The following ANKFN1 variants were observed in gnomAD, a reference collection of about 807,000 sequenced individuals.
The protein encoded by ANKFN1 is ankyrin repeat and fibronectin type III domain containing 1, also known as ankyrin repeat and fibronectin type-III domain-containing protein 1.
ANKFN1 carries 74 observed loss-of-function variants against 108.7 expected under a neutral mutation model. That is an observed-to-expected ratio of 0.68 (90% CI 0.56 to 0.83). The LOEUF (loss-of-function observed/expected upper bound fraction) is 0.83. ANKFN1 is among the 40% of genes least tolerant of loss of function. The pLI is 0.00. For missense variants in ANKFN1, 1,505 were observed against 1,382.3 expected (o/e 1.09, Z -1.41); for synonymous variants, 547 against 516.2 (o/e 1.06, Z -0.81).
At chr17:56,279,634 A>G (rs2044019994) in intron 3 of ANKFN1, among the ~76,000 whole-genome samples, 1 of 152,150 alleles carries the variant, frequency 6.6e-6, no homozygotes, top group African/African-American at 2.4e-5. Context: ...GGATATTCAT[A>G]TACAGAACTT....
intron 4 of ANKFN1, among the ~76,000 whole-genome samples, chr17:56,139,175 GA>G (rs1907772817): frequency 6.6e-6 from 1 of 151,810 alleles, no homozygotes; most frequent in Non-Finnish European, 1.5e-5. Flanking sequence ...CAAAATTCTA[GA>G]AAAGATGATT....
rs1449903885 is a variant in ANKFN1 at position 56,511,942 on chromosome 17, G to A, written c.*673G>A. On this transcript the variant is annotated 3_prime_UTR_variant, in exon 21 of 21. Transcript: ENST00000682825. ...GGAGACCACCAGAAACAAAAGTGGAGAATTCTCTTTCAGCTCTACCTTGCA... is the reference window on the plus strand; with the variant it reads ...GGAGACCACCAGAAACAAAAGTGGAAAATTCTCTTTCAGCTCTACCTTGCA... Among the ~76,000 whole-genome samples, 2 of 152,154 alleles carry A rather than the reference G, an allele frequency of 1.3e-5. No individual in the cohort carries two copies. The highest frequency in any genetic ancestry group is 2.9e-5 in the Non-Finnish European group (2 of 68,034).
At chr17:56,077,101 T>C (rs1905190379) in intron 4 of ANKFN1, among the ~76,000 whole-genome samples, 1 of 152,202 alleles carries the variant, frequency 6.6e-6, no homozygotes, top group African/African-American at 2.4e-5. Context: ...ATGTTATCAA[T>C]GGCTTTGTTG....
intron 3 of ANKFN1, among the ~76,000 whole-genome samples, chr17:56,303,395 T>G (rs1004026348): frequency 6.6e-6 from 1 of 152,200 alleles, no homozygotes; most frequent in Non-Finnish European, 1.5e-5. Context: ...TCTAGGCCAC[T>G]GGAGTAAATA....
At chr17:56,169,346 A>C (rs1910440859) in intron 1 of ANKFN1, among the ~76,000 whole-genome samples, 1 of 152,068 alleles carries the variant, frequency 6.6e-6, no homozygotes. Flanking sequence ...ATCATAGCTC[A>C]CTATAACCCT....
chr17:56,243,862 T>C (rs1239550611), intron 3 of ANKFN1, among the ~76,000 whole-genome samples: 1 of 152,176 alleles, frequency 6.6e-6, no homozygotes, highest in Non-Finnish European at 1.5e-5. Flanking sequence ...GTTAGGTTTT[T>C]AATTAAAATT....
chr17:56,086,320 G>A (rs571540000), intron 4 of ANKFN1, among the ~76,000 whole-genome samples: 32 of 151,172 alleles, frequency 2.1e-4, no homozygotes, highest in East Asian at 7.7e-4. Flanking sequence ...CAGGAGAATC[G>A]CTTAAACCCA....
intron 3 of ANKFN1, among the ~76,000 whole-genome samples, chr17:56,278,050 A>G (rs1358129390): frequency 6.6e-6 from 1 of 152,222 alleles, no homozygotes; most frequent in Admixed American, 6.5e-5. Flanking sequence ...AGCAAATATC[A>G]AGAGATAAAC....
In ANKFN1 at chr17:56,511,538, A is replaced by G. The variant is rs8069636; in HGVS notation, c.*269A>G. Reference sequence around the variant, plus strand: ...CGACATACAGTGACTCAAACATGCCACCCTGTTGGTGGCACCTATGACTGA... The same window carrying G: ...CGACATACAGTGACTCAAACATGCCGCCCTGTTGGTGGCACCTATGACTGA... On this transcript the variant is annotated 3_prime_UTR_variant, in exon 21 of 21. Transcript: ENST00000682825. The G allele has an allele frequency of 0.69, 269,515 of 390,332 alleles. 101,288 individuals carry two copies. Among genetic ancestry groups the G allele is most frequent in the East Asian group, 0.88 (20,257 of 22,908 alleles). The allele number at this position is 390,332 out of a possible 1,614,324, so 24.2% of individuals were successfully genotyped here.
chr17:56,055,570 T>TATATATATATATATATATAC (rs1567778606), intron 4 of ANKFN1, among the ~76,000 whole-genome samples: 1 of 100,144 alleles, frequency 1.0e-5, no homozygotes, highest in African/African-American at 5.8e-5. Context: ...TATATACATA[T>TATATATATATATATATATAC]ATATATATAT....
intron 6 of ANKFN1, among the ~76,000 whole-genome samples, chr17:56,369,754 A>G (rs1363883331): frequency 6.6e-6 from 1 of 152,198 alleles, no homozygotes; most frequent in Non-Finnish European, 1.5e-5. Context: ...AAAAAAATCC[A>G]CTGGAAAAAA....
rs1030211733 is a variant in ANKFN1, at chr17:56,369,703, C to CA, written c.602-2935dup. Among the ~76,000 whole-genome samples, 12 of 151,584 alleles carry CA rather than the reference C, an allele frequency of 7.9e-5. No homozygotes were observed. The South Asian group carries it at 8.3e-4, about 11-fold the overall frequency. On this transcript the variant is annotated intron_variant, in intron 6 of 20. Coordinates refer to ENST00000682825, the MANE Select transcript of ANKFN1 (RefSeq NM_001370326.1). Reference sequence around the variant, plus strand: ...TTTATAAGTCAGCTGGTTTAGTAGACAAAAAAAATCTTTCAAAAGAGGGTG... The same window carrying CA: ...TTTATAAGTCAGCTGGTTTAGTAGACAAAAAAAAATCTTTCAAAAGAGGGTG...
intron 20 of ANKFN1, among the ~76,000 whole-genome samples, chr17:56,504,829 A>ATTTTT (rs5821133): frequency 8.6e-6 from 1 of 116,500 alleles, no homozygotes; most frequent in African/African-American, 3.3e-5. Context: ...TAATTTTTGG[A>ATTTTT]TTTTTTTTTT....
intron 3 of ANKFN1, among the ~76,000 whole-genome samples, chr17:56,290,650 G>A (rs1010295273): frequency 4.6e-5 from 7 of 151,994 alleles, no homozygotes; most frequent in African/African-American, 1.7e-4. Flanking sequence ...GAGTCTATTT[G>A]GTACTGTAAA....
In ANKFN1 at chr17:56,229,607, G is replaced by T. The variant is rs76098785; in HGVS notation, c.53+1650G>T. ...TAAATTTAAACACCCACGTGTTACCGCAGGATCTCTTTATCAAAATTTCAG... is the reference window on the plus strand; with the variant it reads ...TAAATTTAAACACCCACGTGTTACCTCAGGATCTCTTTATCAAAATTTCAG... On this transcript the variant is annotated intron_variant, in intron 3 of 20. Coordinates refer to ENST00000682825, the MANE Select transcript of ANKFN1 (RefSeq NM_001370326.1). Among the ~76,000 whole-genome samples the T allele has an allele frequency of 7.0e-3, 925 of 131,938 alleles. 8 individuals are homozygous for T. The highest frequency in any genetic ancestry group is 9.7e-3 in the Middle Eastern group (2 of 206). 86.6% of individuals were successfully genotyped at this position (131,938 alleles called of 152,430 possible). A position where few individuals can be genotyped will look rare whatever the true frequency, so the allele number is the denominator to read the frequency against.
chr17:56,225,415 T>C (rs1916195058), intron 2 of ANKFN1, among the ~76,000 whole-genome samples: 1 of 152,218 alleles, frequency 6.6e-6, no homozygotes, highest in Non-Finnish European at 1.5e-5. Flanking sequence ...CCTGGACCTT[T>C]CTATCTGGAT....
chr17:56,103,327 C>T (rs894963363), intron 4 of ANKFN1, among the ~76,000 whole-genome samples: 1 of 152,180 alleles, frequency 6.6e-6, no homozygotes, highest in Admixed American at 6.5e-5. Flanking sequence ...GGATGGAAGG[C>T]ACAGATGCCA....
intron 17 of ANKFN1, among the ~76,000 whole-genome samples, chr17:56,481,455 G>T (rs566624400): frequency 1.1e-3 from 172 of 151,516 alleles, no homozygotes; most frequent in African/African-American, 3.9e-3. Flanking sequence ...TTGGCGGGGG[G>T]ACCTATGTTC....
intron 11 of ANKFN1, among the ~76,000 whole-genome samples, chr17:56,452,412 A>G (rs2049520002): frequency 6.6e-6 from 1 of 152,196 alleles, no homozygotes; most frequent in Admixed American, 6.5e-5. Context: ...GGTGAACCTT[A>G]CTATGTTACA....
Sources: allele counts gnomAD v4.1 joint callset (sites outside exome capture counted in the v4.1 genomes callset), GRCh38; gene constraint gnomAD v4.1.1; transcripts MANE v1.5; gene names NCBI Gene and HGNC (gene_info 2026-07-23, HGNC 2026-07-21).